GDAP1: variants seen among roughly 807,000 people sequenced by gnomAD.
GDAP1 encodes ganglioside induced differentiation associated protein 1, also known as ganglioside-induced differentiation-associated protein 1.
In GDAP1, 34 loss-of-function variants were observed where a neutral mutation model predicts 40.1. That is an observed-to-expected ratio of 0.85 (90% CI 0.64 to 1.13). The LOEUF is 1.13. Among genes scored for constraint, GDAP1 ranks in the 50% most tolerant of loss-of-function variants. The pLI is 0.00. For synonymous variants in GDAP1, 170 were observed against 157.4 expected, an observed-to-expected ratio of 1.08 and a Z score of -0.60; for missense variants, 374 against 433.7, an observed-to-expected ratio of 0.86 and a Z score of 1.22.
intron 2 of GDAP1, among the ~76,000 whole-genome samples, chr8:74,384,856 C>G (rs913270387): frequency 1.3e-5 from 2 of 152,156 alleles, no homozygotes; most frequent in Non-Finnish European, 2.9e-5. Flanking sequence ...CAACTATGCC[C>G]ATTTTATTTA....
chr8:74,461,230 A>G (rs1028925497), intron 2 of GDAP1, among the ~76,000 whole-genome samples: 3 of 152,226 alleles, frequency 2.0e-5, no homozygotes, highest in Non-Finnish European at 4.4e-5. Flanking sequence ...TGAGTTAAAA[A>G]TGGGGTACAT....
At chr8:74,373,596 C>T (rs1012899621) in intron 2 of GDAP1, among the ~76,000 whole-genome samples, 8 of 152,164 alleles carry the variant, frequency 5.3e-5, no homozygotes, top group African/African-American at 1.7e-4. Context: ...GTGATTTTTG[C>T]ACATTGATTT....
chr8:74,480,874 C>T (rs764851818), intron 2 of GDAP1, among the ~76,000 whole-genome samples: 4 of 152,144 alleles, frequency 2.6e-5, no homozygotes, highest in African/African-American at 4.8e-5. Context: ...TTGTTTTAAG[C>T]CATTCAGGTA....
chr8:74,380,903 T>A lies in GDAP1; in HGVS notation c.165+29582T>A, dbSNP rs1352625050. Among the ~76,000 whole-genome samples the A allele has an allele frequency of 2.6e-5, 4 of 152,304 alleles. 1 individual carries two copies. In the East Asian group the frequency reaches 7.7e-4, roughly 29 times the overall value. Reference sequence around the variant, plus strand: ...TTTATTTCAGTGGAGTTAAATTCAATCTCTTCCCTATTGATAGTCTTAAAT... The same window carrying A: ...TTTATTTCAGTGGAGTTAAATTCAAACTCTTCCCTATTGATAGTCTTAAAT... On this transcript the variant is annotated intron_variant, in intron 2 of 2. Transcript: ENST00000523640.
At chr8:74,398,129 G>A (rs1313788700) in intron 2 of GDAP1, among the ~76,000 whole-genome samples, 1 of 152,000 alleles carries the variant, frequency 6.6e-6, no homozygotes, top group South Asian at 2.1e-4. Context: ...TTGTGAATGG[G>A]AGTTCACTCA....
At position 74,466,645 on chromosome 8, in the gene GDAP1, A is replaced by C. The variant is rs564935030; in HGVS notation, c.166-22033A>C. Among the ~76,000 whole-genome samples the C allele has an allele frequency of 5.1e-4, 78 of 152,232 alleles. 2 individuals are homozygous for C. The highest frequency in any genetic ancestry group is 1.0e-4 in the Non-Finnish European group (7 of 68,042). On this transcript the variant is annotated intron_variant, in intron 2 of 2. Coordinates refer to the GDAP1 transcript ENST00000523640. Reference sequence around the variant, plus strand: ...TTGATAACTGGAAGGATAGACTAACAATTTTAATAGGGGTAGGGGAAAAAT... The same window carrying C: ...TTGATAACTGGAAGGATAGACTAACCATTTTAATAGGGGTAGGGGAAAAAT...
chr8:74,436,783 G>A (rs538235456), intron 2 of GDAP1, among the ~76,000 whole-genome samples: 32 of 151,756 alleles, frequency 2.1e-4, no homozygotes, highest in African/African-American at 6.5e-4. Flanking sequence ...TCTTTTTCCC[G>A]GCCCTTTACC....
At chr8:74,415,871 T>C (rs1013202914) in intron 2 of GDAP1, among the ~76,000 whole-genome samples, 1 of 142,666 alleles carries the variant, frequency 7.0e-6, no homozygotes, top group African/African-American at 2.8e-5. Flanking sequence ...GTGAGAGAGG[T>C]TCTGGCCAAG....
chr8:74,435,087 G>A (rs1806072168), intron 2 of GDAP1, among the ~76,000 whole-genome samples: 1 of 152,104 alleles, frequency 6.6e-6, no homozygotes, highest in Admixed American at 6.5e-5. Flanking sequence ...AAAGTAATTT[G>A]AATAGATATT....
At chr8:74,376,792 A>G (rs973037318) in intron 2 of GDAP1, 5 of 151,354 alleles carry the variant, frequency 3.3e-5, no homozygotes, top group Non-Finnish European at 7.4e-5. Context: ...GACTAGCTTT[A>G]AAAAAAAAGG....
At chr8:74,467,764 G>A (rs959894430) in intron 2 of GDAP1, among the ~76,000 whole-genome samples, 3 of 152,132 alleles carry the variant, frequency 2.0e-5, no homozygotes, top group Admixed American at 1.3e-4. Context: ...TGTAGAACCC[G>A]GGGGCTGGAC....
intron 2 of GDAP1, among the ~76,000 whole-genome samples, chr8:74,409,073 AAT>A (rs1805676101): frequency 6.7e-6 from 1 of 149,978 alleles, no homozygotes; most frequent in Non-Finnish European, 1.5e-5. Flanking sequence ...ATTCTTCAAA[AAT>A]ATAAGTTTAT....
downstream of GDAP1, among the ~76,000 whole-genome samples, chr8:74,371,485 C>T (rs1048439349): frequency 2.6e-5 from 4 of 151,680 alleles, no homozygotes; most frequent in African/African-American, 2.4e-5. Context: ...ACGGTGAAAC[C>T]CCGTCTCTAC....
chr8:74,398,565 G>A (rs2131547205), intron 2 of GDAP1, among the ~76,000 whole-genome samples: 1 of 152,186 alleles, frequency 6.6e-6, no homozygotes, highest in East Asian at 1.9e-4. Context: ...AATTGCCCTG[G>A]CCAGAACTTC....
chr8:74,475,340 G>C (rs931489713), intron 2 of GDAP1, among the ~76,000 whole-genome samples: 28 of 151,578 alleles, frequency 1.8e-4, no homozygotes, highest in Non-Finnish European at 2.5e-4. Context: ...GGGTTGGTTT[G>C]CTCTTGCTTC....
intron 2 of GDAP1, among the ~76,000 whole-genome samples, chr8:74,470,268 T>C (rs1319643748): frequency 6.6e-6 from 1 of 152,230 alleles, no homozygotes; most frequent in African/African-American, 2.4e-5. Flanking sequence ...TTTTATTTAT[T>C]ATACTCTAAG....
At chr8:74,389,278 C>A (rs1810072527) in intron 2 of GDAP1, among the ~76,000 whole-genome samples, 1 of 152,084 alleles carries the variant, frequency 6.6e-6, no homozygotes, top group African/African-American at 2.4e-5. Flanking sequence ...TATTGTTGGT[C>A]TTTACATTTT....
chr8:74,409,251 A>G (rs1174125606), intron 2 of GDAP1, among the ~76,000 whole-genome samples: 1 of 149,948 alleles, frequency 6.7e-6, no homozygotes, highest in Non-Finnish European at 1.5e-5. Flanking sequence ...AACTGACCCA[A>G]TTGTCCCATA....
At chr8:74,369,534 T>A (rs1809712796), downstream of GDAP1, among the ~76,000 whole-genome samples, 2 of 151,996 alleles carry the variant, frequency 1.3e-5, no homozygotes, top group Non-Finnish European at 2.9e-5. Flanking sequence ...AAACACAGCC[T>A]CAGGAACATG....
Sources: allele counts gnomAD v4.1 joint callset (sites outside exome capture counted in the v4.1 genomes callset), GRCh38; gene constraint gnomAD v4.1.1; transcripts MANE v1.5; gene names NCBI Gene and HGNC (gene_info 2026-07-23, HGNC 2026-07-21).